Variants in ANKMY2 observed in about 807,000 individuals in gnomAD.
ANKMY2 encodes ankyrin repeat and MYND domain containing 2.
In ANKMY2, 36 loss-of-function variants were observed where a neutral mutation model predicts 50.4. That is an observed-to-expected ratio of 0.71 (90% CI 0.55 to 0.94). The LOEUF is 0.94. ANKMY2 is among the 40% of genes least tolerant of loss of function. ANKMY2 has a pLI of 0.00. For missense variants in ANKMY2, 565 were observed against 524.0 expected (o/e 1.08, Z -0.76); for synonymous variants, 187 against 178.8 (o/e 1.05, Z -0.36).
In ANKMY2 at chr7:16,615,766, G is replaced by A. The variant is rs941125613; in HGVS notation, c.509C>T (p.Thr170Ile). 1 of 1,614,106 alleles carries A rather than the reference G, an allele frequency of 6.2e-7. No homozygotes were observed. Among genetic ancestry groups the A allele is most frequent in the African/African-American group, 1.3e-5 (1 of 74,946 alleles). The change falls in exon 5 of 10, where the codon ACA (threonine) becomes ATA (isoleucine). Residue 170 changes from threonine to isoleucine, a missense_variant. Coordinates refer to ENST00000306999, the MANE Select transcript of ANKMY2 (RefSeq NM_020319.3). ...TACCTTGACAGGATGAAGATTCGTT[G>A]TGGTGATAATTTTGTGCAGCGGGCC... ...LAGPLHKIITTTNLHPVKIVM... is the reference protein window; with the variant it reads ...LAGPLHKIITITNLHPVKIVM...
chr7:16,636,181 T>A (rs1196628434), intron 2 of ANKMY2, among the ~76,000 whole-genome samples: 1 of 151,604 alleles, frequency 6.6e-6, no homozygotes, highest in South Asian at 2.1e-4. Context: ...TGGGTGACTG[T>A]AATCCCAGCT....
At position 16,602,425 on chromosome 7, in the gene ANKMY2, T is replaced by C. The variant is rs144175206; in HGVS notation, c.1096A>G (p.Lys366Glu). The C allele has an allele frequency of 5.3e-5, 86 of 1,613,820 alleles. No individual in the cohort carries two copies. In the Middle Eastern group the frequency reaches 6.6e-4, roughly 12 times the overall value. Residue 366 changes from lysine to glutamate, a missense_variant, in exon 9 of 10, where the codon AAG becomes GAG. By Grantham distance (56) the Lys-to-Glu change is moderately conservative. Coordinates refer to ENST00000306999, the MANE Select transcript of ANKMY2 (RefSeq NM_020319.3). Reference sequence around the variant, plus strand: ...TCTTTGGCAGCCTCCAACTGTTGCTTTTCGTAAATGTCCTTCAGATTCTTA... The same window carrying C: ...TCTTTGGCAGCCTCCAACTGTTGCTCTTCGTAAATGTCCTTCAGATTCTTA... ...ICKNLKDIYE[K>E]QQLEAAKEKR... is the part of the protein sequence containing the mutation.
chr7:16,614,580 A>C (rs1345424422), intron 5 of ANKMY2, among the ~76,000 whole-genome samples: 2 of 152,248 alleles, frequency 1.3e-5, no homozygotes, highest in African/African-American at 4.8e-5. Context: ...GGGATGCATC[A>C]ACAAAGTAAT....
intron 2 of ANKMY2, among the ~76,000 whole-genome samples, chr7:16,634,306 G>T (rs1020663868): frequency 1.3e-5 from 2 of 152,160 alleles, no homozygotes; most frequent in Non-Finnish European, 2.9e-5. Flanking sequence ...TGTCGGTTAG[G>T]CAATAAAACA....
At chr7:16,624,686 T>C (rs1395479218) in intron 4 of ANKMY2, among the ~76,000 whole-genome samples, 1 of 152,194 alleles carries the variant, frequency 6.6e-6, no homozygotes, top group Non-Finnish European at 1.5e-5. Flanking sequence ...TCGGTTAGCA[T>C]TCTTAAACAT....
At chr7:16,643,864 CAA>C (rs35460495) in intron 1 of ANKMY2, among the ~76,000 whole-genome samples, 15 of 100,134 alleles carry the variant, frequency 1.5e-4, no homozygotes, top group African/African-American at 1.5e-4. Context: ...CCCATCTCTA[CAA>C]AAAAAAAAAA....
At chr7:16,639,134 A>G (rs1781712400) in intron 1 of ANKMY2, among the ~76,000 whole-genome samples, 1 of 152,242 alleles carries the variant, frequency 6.6e-6, no homozygotes, top group Admixed American at 6.5e-5. Context: ...CAATGTAATG[A>G]CATTAGTCGG....
At position 16,636,457 on chromosome 7, in the gene ANKMY2, T is replaced by TAA. The variant is rs34755603; in HGVS notation, c.68-4_68-3dup. On this transcript the variant is annotated splice_region_variant and splice_polypyrimidine_tract_variant and intron_variant, in intron 1 of 9. Coordinates refer to ENST00000306999, the MANE Select transcript of ANKMY2 (RefSeq NM_020319.3). ...ATGTTCCAGCTTCTTGGACAGTACC[T>TAA]AAAAAAAAAAAAAAGATGAAAAGTA... The TAA allele has an allele frequency of 4.4e-3, 6,042 of 1,388,604 alleles. No homozygotes were observed. Among genetic ancestry groups the TAA allele is most frequent in the Admixed American group, 7.7e-3 (325 of 41,944 alleles). The allele number at this position is 1,388,604 out of a possible 1,614,324, so 86.0% of individuals were successfully genotyped here. A position where few individuals can be genotyped will look rare whatever the true frequency, so the allele number is the denominator to read the frequency against.
chr7:16,613,773 C>A (rs1343271850), intron 5 of ANKMY2, among the ~76,000 whole-genome samples: 2 of 151,338 alleles, frequency 1.3e-5, no homozygotes, highest in Non-Finnish European at 3.0e-5. Context: ...CCATCTCTAC[C>A]CAAAATACAA....
chr7:16,601,942 T>C (rs904928192), intron 9 of ANKMY2, among the ~76,000 whole-genome samples: 3 of 152,240 alleles, frequency 2.0e-5, no homozygotes, highest in African/African-American at 4.8e-5. Context: ...TTTATAAATA[T>C]ACTCTGTAAT....
At chr7:16,644,801 A>C (rs1301690006) in intron 1 of ANKMY2, 1 of 458,076 alleles carries the variant, frequency 2.2e-6, no homozygotes, top group Non-Finnish European at 4.5e-6. Context: ...GCACTGCGGA[A>C]GTGGGGCACG....
chr7:16,644,142 C>T (rs1047327168), intron 1 of ANKMY2, among the ~76,000 whole-genome samples: 3 of 152,198 alleles, frequency 2.0e-5, no homozygotes, highest in African/African-American at 7.2e-5. Context: ...GTACCTGGCA[C>T]ACAGCTAGAA....
intron 6 of ANKMY2, 96 bp downstream of exon 6, chr7:16,610,453 A>C: frequency 9.5e-7 from 1 of 1,052,624 alleles, no homozygotes; most frequent in Non-Finnish European, 1.4e-6. Flanking sequence ...AATTGCTGCC[A>C]AAATGTTTAA....
In ANKMY2 at chr7:16,645,661, G is replaced by A. The variant is rs1394033139; in HGVS notation, c.-88C>T. The A allele has an allele frequency of 2.8e-6, 4 of 1,404,386 alleles. No homozygotes were observed. In the African/African-American group the frequency reaches 4.4e-5, roughly 16 times the overall value. The allele number at this position is 1,404,386 out of a possible 1,614,324, so 87.0% of individuals were successfully genotyped here. On this transcript the variant is annotated 5_prime_UTR_variant, in exon 1 of 10. Transcript: ENST00000306999. The stretch of plus-strand genomic sequence containing the variant: ...CTGTATTGGGAACGCCAGCCGCAAT[G>A]AGGCAACTTGAGACCAAGACACTGA...
chr7:16,631,834 C>G (rs1012718282), intron 2 of ANKMY2, among the ~76,000 whole-genome samples: 1 of 151,952 alleles, frequency 6.6e-6, no homozygotes, highest in African/African-American at 2.4e-5. Flanking sequence ...AGGCTGGTCT[C>G]GAACTCCTGA....
intron 1 of ANKMY2, among the ~76,000 whole-genome samples, chr7:16,643,355 A>G (rs754004748): frequency 1.3e-5 from 2 of 152,236 alleles, no homozygotes; most frequent in Non-Finnish European, 2.9e-5. Context: ...TGTGGCTTGC[A>G]ATAACAGTCA....
intron 9 of ANKMY2, among the ~76,000 whole-genome samples, chr7:16,601,841 A>T (rs554824868): frequency 6.6e-6 from 1 of 152,330 alleles, no homozygotes; most frequent in African/African-American, 2.4e-5. Context: ...ACAAAACCTC[A>T]AGAGGGATGG....
chr7:16,616,578 C>G (rs896525869), intron 4 of ANKMY2, among the ~76,000 whole-genome samples: 14 of 152,180 alleles, frequency 9.2e-5, no homozygotes, highest in Admixed American at 2.6e-4. Context: ...CGGCGCCCCC[C>G]CCTCCCTAGC....
intron 2 of ANKMY2, among the ~76,000 whole-genome samples, chr7:16,629,204 G>T (rs973492923): frequency 1.1e-4 from 17 of 152,204 alleles, no homozygotes; most frequent in Admixed American, 9.8e-4. Context: ...GCAGAAATTG[G>T]TTTTTAGAGC....
Sources: gnomAD v4.1 joint callset for allele counts (sites outside exome capture counted in the v4.1 genomes callset) on GRCh38, gnomAD v4.1.1 for gene constraint, MANE v1.5 for transcripts, NCBI Gene and HGNC (gene_info 2026-07-23, HGNC 2026-07-21) for gene names.